ANKHD1: variants seen among roughly 807,000 people sequenced by gnomAD.
The protein encoded by ANKHD1 is ankyrin repeat and KH domain-containing protein 1.
ANKHD1 carries 31 observed loss-of-function variants against 230.5 expected under a neutral mutation model. That is an observed-to-expected ratio of 0.13 (90% CI 0.10 to 0.18). The LOEUF (loss-of-function observed/expected upper bound fraction) is 0.18. Among genes scored for constraint, ANKHD1 ranks in the 10% least tolerant of loss-of-function variants. ANKHD1 has a pLI of 1.00. For synonymous variants in ANKHD1, 1,074 were observed against 1,117.6 expected, an observed-to-expected ratio of 0.96 and a Z score of 0.78; for missense variants, 2,256 against 3,071.3, an observed-to-expected ratio of 0.73 and a Z score of 6.27.
chr5:140,485,496 G>A lies in ANKHD1; in HGVS notation c.1999-93G>A. 1 of 1,516,740 alleles carries A rather than the reference G, an allele frequency of 6.6e-7. No homozygotes were observed. The allele number at this position is 1,516,740 out of a possible 1,614,324, so 94.0% of individuals were successfully genotyped here. ...AAAAATATGTTTGATCTATCTTAGTGCTTAGTATTTAATACTGTTTAAATG... is the reference window on the plus strand; with the variant it reads ...AAAAATATGTTTGATCTATCTTAGTACTTAGTATTTAATACTGTTTAAATG... On this transcript the variant is annotated intron_variant, in intron 12 of 33. Coordinates refer to ENST00000360839, the MANE Select transcript of ANKHD1 (RefSeq NM_017747.3). This position sits in a 1 kb window ranked among gnomAD's most constrained non-coding sequence, Gnocchi z 4.8.
chr5:140,462,667 G>A (rs990815182), intron 9 of ANKHD1, among the ~76,000 whole-genome samples: 23 of 133,052 alleles, frequency 1.7e-4, no homozygotes, highest in Non-Finnish European at 1.5e-4. Flanking sequence ...AGAGCTTGCA[G>A]TGAGCCGAGA....
chr5:140,461,002 C>T (rs1434073529), intron 9 of ANKHD1, among the ~76,000 whole-genome samples: 1 of 152,140 alleles, frequency 6.6e-6, no homozygotes, highest in African/African-American at 2.4e-5. Flanking sequence ...TAGTGGTTAT[C>T]TTTGTACATT....
rs115928690 is a variant in ANKHD1 at position 140,405,181 on chromosome 5, T to C, written c.306+2908T>C. On this transcript the variant is annotated intron_variant, in intron 1 of 33. Coordinates refer to ENST00000360839, the MANE Select transcript of ANKHD1 (RefSeq NM_017747.3). ...AGCCCCATATTCTCCTGTTTACTTA[T>C]GTTTTCTGTGCCTAAAAGGATTTAC... 9.1e-3 allele frequency among the ~76,000 whole-genome samples: 1,393 copies of C among 152,298 alleles called. 16 individuals are homozygous for C. Among genetic ancestry groups the C allele is most frequent in the African/African-American group, 0.032 (1,314 of 41,556 alleles).
chr5:140,530,036 C>T (rs1389621786), intron 29 of ANKHD1, among the ~76,000 whole-genome samples: 1 of 151,004 alleles, frequency 6.6e-6, no homozygotes, highest in African/African-American at 2.4e-5. Flanking sequence ...TCAAGGATTC[C>T]AAATTTACAG....
chr5:140,421,089 G>A (rs951717711), intron 1 of ANKHD1, among the ~76,000 whole-genome samples: 6 of 151,904 alleles, frequency 3.9e-5, no homozygotes, highest in East Asian at 1.9e-4. Flanking sequence ...TTTTTAACCC[G>A]TTTACCCTGT....
chr5:140,462,642 G>T (rs1389553851), intron 9 of ANKHD1, among the ~76,000 whole-genome samples: 1 of 149,216 alleles, frequency 6.7e-6, no homozygotes, highest in Admixed American at 6.8e-5. Context: ...GGAGAATGGC[G>T]TGAACCCGAG....
Position 140,469,599 on chromosome 5 carries a change from A to C in ANKHD1, c.1782+4823A>C, listed in dbSNP as rs75619841. Among the ~76,000 whole-genome samples the C allele has an allele frequency of 6.1e-4, 93 of 152,202 alleles. 2 individuals are homozygous for C. In the East Asian group the frequency reaches 0.016, roughly 26 times the overall value. On this transcript the variant is annotated intron_variant, in intron 10 of 33. Coordinates refer to ENST00000360839, the MANE Select transcript of ANKHD1 (RefSeq NM_017747.3). ...TTTAGCGAACTATAGAAAACACAGGAATAAAATTACTTTCTGGAAGTATGT... is the reference window on the plus strand; with the variant it reads ...TTTAGCGAACTATAGAAAACACAGGCATAAAATTACTTTCTGGAAGTATGT...
chr5:140,417,437 A>G (rs113946104), intron 1 of ANKHD1, among the ~76,000 whole-genome samples: 1 of 151,338 alleles, frequency 6.6e-6, no homozygotes, highest in Non-Finnish European at 1.5e-5. Flanking sequence ...AAATTTTTTA[A>G]TTTAAAATTT....
intron 22 of ANKHD1, 113 bp from the exon 23 acceptor site, chr5:140,512,715 A>T: frequency 1.1e-6 from 1 of 907,102 alleles, no homozygotes; most frequent in Non-Finnish European, 1.6e-6. Flanking sequence ...GTAGGCATAT[A>T]TGCAAAATCA....
chr5:140,483,224 A>G (rs1751361987), intron 11 of ANKHD1, among the ~76,000 whole-genome samples: 2 of 152,148 alleles, frequency 1.3e-5, no homozygotes, highest in South Asian at 4.1e-4. Flanking sequence ...TATAATTGTC[A>G]TGTTATGAAT....
At chr5:140,476,392 C>G (rs1750969875) in intron 10 of ANKHD1, among the ~76,000 whole-genome samples, 1 of 151,950 alleles carries the variant, frequency 6.6e-6, no homozygotes, top group South Asian at 2.1e-4. Flanking sequence ...ATATCCATCA[C>G]TAAGCAGAAC....
chr5:140,435,911 A>C (rs1340554987), intron 1 of ANKHD1, among the ~76,000 whole-genome samples, 193 bp from the exon 2 acceptor site: 1 of 152,198 alleles, frequency 6.6e-6, no homozygotes, highest in Non-Finnish European at 1.5e-5. Flanking sequence ...TATGTGTGTT[A>C]TACCTGTAGT....
Position 140,527,980 on chromosome 5 carries a change from A to T in ANKHD1, c.5195A>T (p.Asp1732Val). 1 of 1,613,992 alleles carries T rather than the reference A, an allele frequency of 6.2e-7. No individual in the cohort carries two copies. Among genetic ancestry groups the T allele is most frequent in the African/African-American group, 1.3e-5 (1 of 75,062 alleles). The change falls in exon 28 of 34, where the codon GAT becomes GTT. Residue 1732 changes from aspartate (D) to valine (V), a missense_variant. Asp to Val is a radical substitution (Grantham distance 152). This residue lies in a region of ANKHD1 where 23 missense variants were observed against 59.9 expected (regional missense o/e 0.38). Transcript: ENST00000360839. The surrounding 1 kb of genome is among the most constrained non-coding windows in gnomAD (Gnocchi z 4.5). Reference protein sequence around the residue: ...QDVTGAHIDVDKQKDKNGERM... With the variant: ...QDVTGAHIDVVKQKDKNGERM... ...GTTACTGGTGCCCATATTGATGTGG[A>T]TAAACAAAAAGATAAGAATGGCGAG...
At chr5:140,504,332 G>T (rs372785127) in intron 15 of ANKHD1, among the ~76,000 whole-genome samples, 1 of 152,234 alleles carries the variant, frequency 6.6e-6, no homozygotes, top group Non-Finnish European at 1.5e-5. Context: ...GATTACAGGC[G>T]TGGGCCACTG....
intron 6 of ANKHD1, 135 bp from the exon 7 acceptor site, chr5:140,449,076 A>C (rs1182994693): frequency 4.3e-6 from 4 of 925,060 alleles, no homozygotes; most frequent in Non-Finnish European, 4.8e-6. Context: ...TAAAACTGTT[A>C]CTGATTTATT....
At chr5:140,500,665 A>AAAAAAAAAAAAAAAG (rs748025095) in intron 15 of ANKHD1, among the ~76,000 whole-genome samples, 82 of 115,510 alleles carry the variant, frequency 7.1e-4, no homozygotes, top group Admixed American at 1.3e-3. Flanking sequence ...AAAAAAAAAA[A>AAAAAAAAAAAAAAAG]AAAAGAAAAG....
chr5:140,513,567 A>G (rs899762189), intron 24 of ANKHD1, 88 bp downstream of exon 24: 2 of 1,337,588 alleles, frequency 1.5e-6, no homozygotes, highest in Non-Finnish European at 2.0e-6. Context: ...CCAGCACTTC[A>G]GAAGGCCAAG....
At chr5:140,403,998 GA>G (rs935222007) in intron 1 of ANKHD1, among the ~76,000 whole-genome samples, 3 of 151,926 alleles carry the variant, frequency 2.0e-5, no homozygotes, top group South Asian at 2.1e-4. Context: ...TTTTGCTTTG[GA>G]AAAAAAAGTG....
rs1752590779 is a variant in ANKHD1, at chr5:140,507,504, T to C, written c.3552-281T>C. Among the ~76,000 whole-genome samples the C allele has an allele frequency of 6.6e-6, 1 of 152,070 alleles. No homozygotes were observed. The highest frequency in any genetic ancestry group is 3.2e-3 in the Middle Eastern group (1 of 316). ...GTATTTGTAGTAGAGATGGGGTTTCTCCATGTTGGTCAGGCTGGTCTCAAA... is the reference window on the plus strand; with the variant it reads ...GTATTTGTAGTAGAGATGGGGTTTCCCCATGTTGGTCAGGCTGGTCTCAAA... On this transcript the variant is annotated intron_variant, in intron 19 of 33. Coordinates refer to ENST00000360839, the MANE Select transcript of ANKHD1 (RefSeq NM_017747.3). The surrounding 1 kb of genome is among the most constrained non-coding windows in gnomAD (Gnocchi z 4.1).
Sources: allele counts gnomAD v4.1 joint callset (sites outside exome capture counted in the v4.1 genomes callset), GRCh38; gene constraint gnomAD v4.1.1; regional missense constraint gnomAD v4.1.1; non-coding constraint Gnocchi (gnomAD v3.1); transcripts MANE v1.5; gene names NCBI Gene and HGNC (gene_info 2026-07-23, HGNC 2026-07-21).